The following LRP12 variants were observed in gnomAD, a reference collection of about 807,000 sequenced individuals.
LRP12 encodes the protein low-density lipoprotein receptor-related protein 12.
In LRP12, 14 loss-of-function variants were observed where a neutral mutation model predicts 66.0. The ratio of observed to expected loss-of-function variants is 0.21; its 90% CI spans 0.14 to 0.33. LRP12 has a LOEUF of 0.33. Among genes scored for constraint, LRP12 ranks in the 10% least tolerant of loss-of-function variants. LRP12 has a pLI of 1.00. For synonymous variants in LRP12, 357 were observed against 359.1 expected (o/e 0.99, Z 0.07); for missense variants, 889 against 1,053.4 (o/e 0.84, Z 2.16).
chr8:104,557,501 T>C (rs80204797), intron 1 of LRP12, among the ~76,000 whole-genome samples: 5,438 of 150,574 alleles, frequency 0.036, 175 homozygotes, highest in South Asian at 0.076. Flanking sequence ...AGGCTGATAA[T>C]TAAATCAAGG....
At chr8:104,512,629 C>T (rs1192824062) in intron 2 of LRP12, among the ~76,000 whole-genome samples, 1 of 151,978 alleles carries the variant, frequency 6.6e-6, no homozygotes, top group Non-Finnish European at 1.5e-5. Flanking sequence ...ACATTCCTAA[C>T]CTTTGACTAA....
At chr8:104,505,543 T>TAGGC (rs977151031) in intron 3 of LRP12, 20 of 151,076 alleles carry the variant, frequency 1.3e-4, no homozygotes, top group Middle Eastern at 6.8e-3. Flanking sequence ...GCTAGGATTA[T>TAGGC]AGGCGCGTGC....
At chr8:104,580,364 A>AT (rs1349597318) in intron 1 of LRP12, among the ~76,000 whole-genome samples, 6 of 150,992 alleles carry the variant, frequency 4.0e-5, no homozygotes, top group South Asian at 2.1e-4. Flanking sequence ...AAAATAAAAA[A>AT]AAAAAAAAAA....
intron 1 of LRP12, among the ~76,000 whole-genome samples, chr8:104,581,630 A>AT (rs1169031524): frequency 6.6e-6 from 1 of 152,156 alleles, no homozygotes; most frequent in Non-Finnish European, 1.5e-5. Flanking sequence ...AGAAAGTTAC[A>AT]TTATCAGATC....
chr8:104,504,196 A>G (rs1203480754), intron 3 of LRP12: 1 of 152,092 alleles, frequency 6.6e-6, no homozygotes, highest in African/African-American at 2.4e-5. Context: ...TTATGACATT[A>G]AAAATTTTGT....
intron 1 of LRP12, among the ~76,000 whole-genome samples, chr8:104,578,938 G>A (rs999487061): frequency 6.6e-6 from 1 of 151,844 alleles, no homozygotes; most frequent in Non-Finnish European, 1.5e-5. Flanking sequence ...AAAATAATAA[G>A]AGCCGTCTAT....
intron 1 of LRP12, among the ~76,000 whole-genome samples, chr8:104,576,520 G>A (rs540107592): frequency 1.2e-4 from 18 of 152,234 alleles, no homozygotes; most frequent in African/African-American, 4.3e-4. Flanking sequence ...AGCGTCATAA[G>A]CAAAGGAGAA....
At chr8:104,511,684 C>G (rs1356562058) in intron 2 of LRP12, among the ~76,000 whole-genome samples, 1 of 152,008 alleles carries the variant, frequency 6.6e-6, no homozygotes, top group East Asian at 1.9e-4. Context: ...ATAGAATAAC[C>G]TACTCCCTGA....
intron 2 of LRP12, among the ~76,000 whole-genome samples, chr8:104,518,605 C>T (rs59313468): frequency 6.6e-6 from 1 of 152,112 alleles, no homozygotes; most frequent in East Asian, 1.9e-4. Flanking sequence ...TATAATAACA[C>T]AGAGAAAATA....
At chr8:104,530,726 A>T (rs894769876) in intron 2 of LRP12, among the ~76,000 whole-genome samples, 1 of 152,198 alleles carries the variant, frequency 6.6e-6, no homozygotes, top group African/African-American at 2.4e-5. Flanking sequence ...TGGTTGTATA[A>T]ATTAAAATGT....
At chr8:104,540,819 C>T (rs538483115) in intron 1 of LRP12, among the ~76,000 whole-genome samples, 9 of 152,314 alleles carry the variant, frequency 5.9e-5, no homozygotes, top group African/African-American at 1.9e-4. Flanking sequence ...CTGCAAACTC[C>T]GACTCCCTGG....
intron 3 of LRP12, among the ~76,000 whole-genome samples, chr8:104,502,914 G>A (rs938273952): frequency 6.6e-5 from 10 of 152,126 alleles, no homozygotes; most frequent in African/African-American, 2.4e-4. Flanking sequence ...GGCTGGGAGA[G>A]GTGGCTCACG....
intron 6 of LRP12, among the ~76,000 whole-genome samples, chr8:104,493,027 A>G (rs904958619): frequency 4.6e-5 from 7 of 152,178 alleles, no homozygotes; most frequent in Non-Finnish European, 1.0e-4. Context: ...AGCCATCAAG[A>G]TCAACAATGC....
chr8:104,581,344 T>TA (rs1812246592), intron 1 of LRP12, among the ~76,000 whole-genome samples: 2 of 150,870 alleles, frequency 1.3e-5, no homozygotes, highest in South Asian at 4.2e-4. Flanking sequence ...GGGTACTATA[T>TA]ACGATATGAT....
At chr8:104,525,744 T>C (rs1811224818) in intron 2 of LRP12, among the ~76,000 whole-genome samples, 1 of 152,226 alleles carries the variant, frequency 6.6e-6, no homozygotes, top group African/African-American at 2.4e-5. Flanking sequence ...GGGCAAAAAC[T>C]GGAAGCATTC....
At chr8:104,496,933 G>A (rs779118347) in intron 5 of LRP12, 39 bp downstream of exon 5, 1 of 1,467,788 alleles carries the variant, frequency 6.8e-7, no homozygotes, top group Admixed American at 2.6e-5. Flanking sequence ...ACTTGGGCCT[G>A]CTTTTATTGA....
chr8:104,583,473 A>G (rs1227317983), intron 1 of LRP12, among the ~76,000 whole-genome samples: 3 of 152,156 alleles, frequency 2.0e-5, no homozygotes, highest in Non-Finnish European at 4.4e-5. Context: ...TTCATGAAAA[A>G]GTCTTCCCCT....
chr8:104,523,291 T>C (rs1486642769), intron 2 of LRP12, among the ~76,000 whole-genome samples: 2 of 152,176 alleles, frequency 1.3e-5, no homozygotes, highest in Non-Finnish European at 2.9e-5. Flanking sequence ...CATATATATG[T>C]AAAATACTAG....
chr8:104,566,413 A>G, intron 1 of LRP12: 2 of 254,950 alleles, frequency 7.8e-6, no homozygotes, highest in Admixed American at 8.2e-5. Flanking sequence ...CCTGCCAATC[A>G]GTGGAAATGG....
Sources: allele counts gnomAD v4.1 joint callset (sites outside exome capture counted in the v4.1 genomes callset), GRCh38; gene constraint gnomAD v4.1.1; transcripts MANE v1.5; gene names NCBI Gene and HGNC (gene_info 2026-07-23, HGNC 2026-07-21).